The following ADAMTS9 variants were observed in gnomAD, a reference collection of about 807,000 sequenced individuals.
ADAMTS9 encodes the protein A disintegrin and metalloproteinase with thrombospondin motifs 9.
In ADAMTS9, 107 loss-of-function variants were observed where a neutral mutation model predicts 257.1. The observed-to-expected ratio is 0.42, with a 90% CI of 0.36 to 0.49. The LOEUF (loss-of-function observed/expected upper bound fraction) is 0.49. Among genes scored for constraint, ADAMTS9 ranks in the 20% least tolerant of loss-of-function variants. The probability of loss-of-function intolerance (pLI) is 0.03; values close to 1 mark genes in which losing one functional copy is unlikely to be tolerated. For missense variants in ADAMTS9, 2,353 were observed against 2,469.1 expected (o/e 0.95, Z 1.00); for synonymous variants, 982 against 880.9 (o/e 1.11, Z -2.03).
chr3:64,575,399 C>G (rs192526994), intron 28 of ADAMTS9, among the ~76,000 whole-genome samples: 1 of 152,246 alleles, frequency 6.6e-6, no homozygotes, highest in African/African-American at 2.4e-5. Context: ...ATTTGGCTCC[C>G]GTCGCAATGG....
chr3:64,644,141 T>C (rs1467554916), intron 11 of ADAMTS9, among the ~76,000 whole-genome samples: 2 of 152,242 alleles, frequency 1.3e-5, no homozygotes, highest in African/African-American at 2.4e-5. Flanking sequence ...GTGGCAATGA[T>C]AATGGCAAAC....
At chr3:64,616,461 A>T (rs2084767421) in intron 19 of ADAMTS9, among the ~76,000 whole-genome samples, 3 of 152,248 alleles carry the variant, frequency 2.0e-5, no homozygotes, top group Non-Finnish European at 2.9e-5. Flanking sequence ...AAAGGAAAAC[A>T]TTTTTTTCAA....
chr3:64,608,826 A>G (rs950553957), intron 22 of ADAMTS9, among the ~76,000 whole-genome samples: 6 of 151,770 alleles, frequency 4.0e-5, no homozygotes, highest in African/African-American at 1.5e-4. Flanking sequence ...CGAAGACAAC[A>G]CACACACACA....
chr3:64,556,362 C>T (rs2083333183), intron 30 of ADAMTS9, among the ~76,000 whole-genome samples: 1 of 151,960 alleles, frequency 6.6e-6, no homozygotes, highest in Non-Finnish European at 1.5e-5. Context: ...GCTCTGTTGC[C>T]CAGGCCGTAG....
At chr3:64,620,475 T>C (rs114023379) in intron 19 of ADAMTS9, among the ~76,000 whole-genome samples, 1 of 150,450 alleles carries the variant, frequency 6.6e-6, no homozygotes, top group African/African-American at 2.5e-5. Flanking sequence ...TCATGCAGAG[T>C]ATAAAATGCA....
intron 32 of ADAMTS9, 76 bp downstream of exon 32, chr3:64,546,682 G>A (rs1437433779): frequency 9.1e-6 from 13 of 1,426,262 alleles, no homozygotes; most frequent in African/African-American, 2.9e-5. Flanking sequence ...TAAGGAGAGC[G>A]GGTTAGGCAG....
intron 16 of ADAMTS9, among the ~76,000 whole-genome samples, chr3:64,630,559 A>T (rs1297214501): frequency 6.6e-6 from 1 of 152,202 alleles, no homozygotes; most frequent in Non-Finnish European, 1.5e-5. Context: ...CCTCGGTGAC[A>T]GAGTGAGACC....
chr3:64,618,908 A>G (rs1700032249), intron 19 of ADAMTS9, among the ~76,000 whole-genome samples: 1 of 152,144 alleles, frequency 6.6e-6, no homozygotes, highest in African/African-American at 2.4e-5. Context: ...TTATGTCTAA[A>G]GGCTTCCAAT....
rs1159722673 is a variant in ADAMTS9, at chr3:64,546,666, A to T, written c.5064+92T>A. 26 of 1,322,444 alleles carry T rather than the reference A, an allele frequency of 2.0e-5. No homozygotes were observed. The Admixed American group carries it at 6.4e-4, about 33-fold the overall frequency. The allele number at this position is 1,322,444 out of a possible 1,614,324, so 81.9% of individuals were successfully genotyped here. On this transcript the variant is annotated intron_variant, in intron 32 of 39. Transcript: ENST00000498707. ...ACTCCAGGGTTTCTCCTGGAAGTAG[A>T]GTTACTAAGGAGAGCGGGTTAGGCA...
chr3:64,522,322 G>T, intron 38 of ADAMTS9, 62 bp from the exon 39 acceptor site: 1 of 1,476,514 alleles, frequency 6.8e-7, no homozygotes, highest in Non-Finnish European at 9.5e-7. Flanking sequence ...GCCTGCACTG[G>T]CTTTTTGGGA....
At chr3:64,541,299 T>A in intron 35 of ADAMTS9, 21 bp downstream of exon 35, 1 of 1,614,008 alleles carries the variant, frequency 6.2e-7, no homozygotes, top group Non-Finnish European at 8.5e-7. Context: ...CTCTGAGATC[T>A]TCTGAGCCTG....
intron 4 of ADAMTS9, 64 bp from the exon 5 acceptor site, chr3:64,655,939 G>A (rs147903441): frequency 6.8e-6 from 7 of 1,030,318 alleles, no homozygotes; most frequent in East Asian, 2.4e-5. Context: ...AGCAAGTCAC[G>A]TCTTACGTTG....
intron 23 of ADAMTS9, among the ~76,000 whole-genome samples, chr3:64,605,573 G>A (rs1455076339): frequency 1.3e-5 from 2 of 152,196 alleles, no homozygotes; most frequent in Non-Finnish European, 2.9e-5. Flanking sequence ...CAGAGTGTGA[G>A]TTCTGGGAAT....
intron 38 of ADAMTS9, among the ~76,000 whole-genome samples, chr3:64,528,829 C>T (rs1233406244): frequency 6.6e-6 from 1 of 152,206 alleles, no homozygotes; most frequent in Non-Finnish European, 1.5e-5. Flanking sequence ...GGGGCCACTA[C>T]AGTCCCCATT....
chr3:64,558,788 T>A (rs1010575860), intron 30 of ADAMTS9, among the ~76,000 whole-genome samples: 2 of 152,062 alleles, frequency 1.3e-5, no homozygotes, highest in Admixed American at 1.3e-4. Context: ...TCTGAGGTGG[T>A]GGCCAGGGAC....
At chr3:64,557,893 T>C (rs1394052874) in intron 30 of ADAMTS9, among the ~76,000 whole-genome samples, 1 of 152,170 alleles carries the variant, frequency 6.6e-6, no homozygotes, top group Non-Finnish European at 1.5e-5. Flanking sequence ...TTCTACCCTA[T>C]ATCTGAAAGT....
chr3:64,593,053 C>T (rs2084292327), intron 28 of ADAMTS9, among the ~76,000 whole-genome samples: 1 of 152,124 alleles, frequency 6.6e-6, no homozygotes, highest in South Asian at 2.1e-4. Context: ...TCCTACTGAA[C>T]TGACTAGAGA....
rs148859200 is a variant in ADAMTS9 at position 64,636,155 on chromosome 3, G to C, written c.1857-2276C>G. Among the ~76,000 whole-genome samples the C allele has an allele frequency of 7.5e-3, 1,133 of 151,948 alleles. 6 individuals are homozygous for C. The highest frequency in any genetic ancestry group is 0.026 in the African/African-American group (1,077 of 41,412). On this transcript the variant is annotated intron_variant, in intron 12 of 39. Transcript: ENST00000498707. ...AATTTATCAAATGCAGCAGTTCTTCGGACTGCAAATAGTTATTATTTATAG... is the reference window on the plus strand; with the variant it reads ...AATTTATCAAATGCAGCAGTTCTTCCGACTGCAAATAGTTATTATTTATAG...
At chr3:64,672,660 G>A (rs1182790159) in intron 3 of ADAMTS9, among the ~76,000 whole-genome samples, 2 of 138,266 alleles carry the variant, frequency 1.4e-5, no homozygotes, top group African/African-American at 2.6e-5. Flanking sequence ...TCCAGCCTGG[G>A]CAACAGAGCA....
Sources: gnomAD v4.1 joint callset for allele counts (sites outside exome capture counted in the v4.1 genomes callset) on GRCh38, gnomAD v4.1.1 for gene constraint, MANE v1.5 for transcripts, NCBI Gene and HGNC (gene_info 2026-07-23, HGNC 2026-07-21) for gene names.